PITPNC1: variants seen among roughly 807,000 people sequenced by gnomAD.
PITPNC1 encodes the protein phosphatidylinositol transfer protein cytoplasmic 1.
In PITPNC1, 18 loss-of-function variants were observed where a neutral mutation model predicts 44.7. That is an observed-to-expected ratio of 0.40 (90% CI 0.28 to 0.60). The LOEUF (loss-of-function observed/expected upper bound fraction) is 0.60, where lower values mean the gene tolerates loss of function less well. PITPNC1 is among the 20% of genes least tolerant of loss of function. PITPNC1 has a pLI of 0.39. For synonymous variants in PITPNC1, 141 were observed against 149.6 expected (o/e 0.94, Z 0.42); for missense variants, 290 against 418.4 (o/e 0.69, Z 2.68).
In PITPNC1 at chr17:67,473,490, G is replaced by A. The variant is rs566341778; in HGVS notation, c.49-59312G>A. 7.8e-4 allele frequency among the ~76,000 whole-genome samples: 118 copies of A among 151,834 alleles called. 1 individual carries two copies. The highest frequency in any genetic ancestry group is 3.4e-3 in the Middle Eastern group (1 of 294). On this transcript the variant is annotated intron_variant, in intron 1 of 8. Transcript: ENST00000581322. ...ACTACAGGCGCCCGCCACTACATCC[G>A]GCTAATTTTTTTGTATTTTTTTAGT...
chr17:67,441,091 G>C (rs1296715992), intron 1 of PITPNC1, among the ~76,000 whole-genome samples: 1 of 152,100 alleles, frequency 6.6e-6, no homozygotes, highest in Non-Finnish European at 1.5e-5. Flanking sequence ...TATAGCTATT[G>C]TGCCTGTGCT....
At chr17:67,670,298 A>G (rs535459412) in intron 7 of PITPNC1, among the ~76,000 whole-genome samples, 13 of 152,310 alleles carry the variant, frequency 8.5e-5, no homozygotes, top group Admixed American at 2.0e-4. Flanking sequence ...GAAACAGCCA[A>G]AGGGCTTATC....
At chr17:67,506,937 TG>T (rs1436429973) in intron 1 of PITPNC1, among the ~76,000 whole-genome samples, 1 of 152,204 alleles carries the variant, frequency 6.6e-6, no homozygotes, top group African/African-American at 2.4e-5. Context: ...TTTCTGGATT[TG>T]TTTTTTTAAA....
chr17:67,687,208 T>C, intron 8 of PITPNC1: 1 of 1,225,600 alleles, frequency 8.2e-7, no homozygotes, highest in Non-Finnish European at 1.2e-6. Context: ...TTAAAACATG[T>C]TGCCCACCCT....
intron 6 of PITPNC1, among the ~76,000 whole-genome samples, chr17:67,653,639 CAT>C (rs2042232934): frequency 6.6e-6 from 1 of 152,214 alleles, no homozygotes. Flanking sequence ...ATGAAAAACA[CAT>C]ATCACATGTT....
intron 1 of PITPNC1, among the ~76,000 whole-genome samples, chr17:67,483,922 T>C (rs28414005): frequency 0.018 from 1,503 of 83,064 alleles, 28 homozygotes; most frequent in African/African-American, 0.054. Flanking sequence ...TTCTTTCTTT[T>C]TTTTTTTTTT....
Position 67,693,615 on chromosome 17 carries a change from G to C in PITPNC1, c.*727G>C, listed in dbSNP as rs2042965630. 1 of 152,388 alleles carries C rather than the reference G, an allele frequency of 6.6e-6. No individual in the cohort carries two copies. Among genetic ancestry groups the C allele is most frequent in the Non-Finnish European group, 1.5e-5 (1 of 68,026 alleles). 9.4% of individuals were successfully genotyped at this position (152,388 alleles called of 1,614,324 possible). On this transcript the variant is annotated 3_prime_UTR_variant, in exon 9 of 9. Coordinates refer to ENST00000581322, the MANE Select transcript of PITPNC1 (RefSeq NM_012417.4). ...ATGTGACCATAACTGATTTTGGAAT[G>C]GTTCAGTTTAGGAACCAAGAGGCCC... is the stretch of plus-strand genomic sequence containing the variant.
At chr17:67,378,267 G>A in intron 1 of PITPNC1, 65 bp downstream of exon 1, 2 of 1,116,504 alleles carry the variant, frequency 1.8e-6, no homozygotes, top group Non-Finnish European at 2.4e-6. Context: ...CCGCCTCCTG[G>A]CCGGCGAGCC....
At chr17:67,425,277 AG>A (rs1412220523) in intron 1 of PITPNC1, among the ~76,000 whole-genome samples, 2 of 150,724 alleles carry the variant, frequency 1.3e-5, no homozygotes, top group African/African-American at 2.4e-5. Flanking sequence ...GGAGAGAGAG[AG>A]AGAAATGACC....
chr17:67,383,036 C>G (rs1047346201), intron 1 of PITPNC1, among the ~76,000 whole-genome samples: 1 of 151,924 alleles, frequency 6.6e-6, no homozygotes, highest in African/African-American at 2.4e-5. Flanking sequence ...TGCTCTTTCA[C>G]CCAGGCTGGA....
chr17:67,378,276 C>T lies in PITPNC1; in HGVS notation c.48+74C>T, dbSNP rs2037901697. On this transcript the variant is annotated intron_variant, in intron 1 of 8. Transcript: ENST00000581322. ...CTACCGCCGCCTCCTGGCCGGCGAG[C>T]CCCGGGCGAGCGGCAGGAAACCCAG... The T allele has an allele frequency of 5.8e-6, 6 of 1,027,966 alleles. No individual in the cohort carries two copies. The East Asian group carries it at 1.6e-4, about 28-fold the overall frequency. 63.7% of individuals were successfully genotyped at this position (1,027,966 alleles called of 1,614,324 possible).
At chr17:67,522,252 C>T (rs1414039262) in intron 1 of PITPNC1, among the ~76,000 whole-genome samples, 4 of 150,532 alleles carry the variant, frequency 2.7e-5, no homozygotes, top group African/African-American at 9.8e-5. Context: ...TGCAGTGCGC[C>T]GAGATCACAC....
chr17:67,506,198 C>G (rs2040098871), intron 1 of PITPNC1, among the ~76,000 whole-genome samples: 1 of 152,048 alleles, frequency 6.6e-6, no homozygotes, highest in Non-Finnish European at 1.5e-5. Flanking sequence ...CTTTTACCTA[C>G]TGAAAAAATT....
At chr17:67,686,335 T>A (rs2042815304) in intron 8 of PITPNC1, among the ~76,000 whole-genome samples, 1 of 150,828 alleles carries the variant, frequency 6.6e-6, no homozygotes, top group Non-Finnish European at 1.5e-5. Flanking sequence ...TGTCCCCCGT[T>A]GAGAACCACT....
At chr17:67,381,097 G>T (rs1202536663) in intron 1 of PITPNC1, among the ~76,000 whole-genome samples, 1 of 152,084 alleles carries the variant, frequency 6.6e-6, no homozygotes, top group Non-Finnish European at 1.5e-5. Flanking sequence ...GGAGGCTGAG[G>T]TGGGCAGATC....
chr17:67,576,580 C>T (rs2041152964), intron 4 of PITPNC1, among the ~76,000 whole-genome samples: 1 of 152,164 alleles, frequency 6.6e-6, no homozygotes, highest in Admixed American at 6.5e-5. Context: ...AGCCGTCAAT[C>T]CCATCTCTGG....
At chr17:67,667,614 A>T (rs1023412244) in intron 6 of PITPNC1, among the ~76,000 whole-genome samples, 19 of 151,918 alleles carry the variant, frequency 1.3e-4, no homozygotes, top group Admixed American at 6.6e-4. Context: ...CTAATGAAAT[A>T]ATCAGCAAAT....
intron 4 of PITPNC1, among the ~76,000 whole-genome samples, chr17:67,575,585 A>C (rs2041129447): frequency 6.6e-6 from 1 of 152,046 alleles, no homozygotes; most frequent in South Asian, 2.1e-4. Context: ...AGGTGCCACC[A>C]GGGGTCTCAG....
intron 5 of PITPNC1, among the ~76,000 whole-genome samples, chr17:67,631,824 G>A (rs2041975922): frequency 6.7e-6 from 1 of 149,728 alleles, no homozygotes; most frequent in African/African-American, 2.5e-5. Context: ...CCAAAAATCA[G>A]CAGACTTCAG....
Sources: allele counts gnomAD v4.1 joint callset (sites outside exome capture counted in the v4.1 genomes callset), GRCh38; gene constraint gnomAD v4.1.1; transcripts MANE v1.5; gene names NCBI Gene and HGNC (gene_info 2026-07-23, HGNC 2026-07-21).